TRIM14: variants seen among roughly 807,000 people sequenced by gnomAD.
TRIM14 encodes the protein tripartite motif-containing protein 14.
Under a neutral mutation model 44.5 loss-of-function variants are expected in TRIM14, and 28 were observed. That is an observed-to-expected ratio of 0.63 (90% CI 0.47 to 0.86). The LOEUF (loss-of-function observed/expected upper bound fraction) is 0.86. Ranked by LOEUF, TRIM14 falls within the 40% of genes least tolerant of loss-of-function variation. The pLI is 0.00. For missense variants in TRIM14, 607 were observed against 611.1 expected (o/e 0.99, Z 0.07); for synonymous variants, 299 against 269.2 (o/e 1.11, Z -1.08).
intron 1 of TRIM14, among the ~76,000 whole-genome samples, chr9:98,118,341 G>C (rs780717587): frequency 3.9e-5 from 6 of 152,172 alleles, no homozygotes; most frequent in Non-Finnish European, 5.9e-5. Flanking sequence ...TGGAGTCCTG[G>C]GTTCAAGGCC....
intron 2 of TRIM14, among the ~76,000 whole-genome samples, chr9:98,101,673 G>A (rs1237688572): frequency 2.0e-5 from 3 of 151,832 alleles, no homozygotes; most frequent in Non-Finnish European, 4.4e-5. Context: ...TGCCTGCCTT[G>A]GTCCCCCAAA....
chr9:98,055,920 A>G, the TRIM14 span, among the ~76,000 whole-genome samples: 1 of 151,850 alleles, frequency 6.6e-6, no homozygotes, highest in Non-Finnish European at 1.5e-5. Flanking sequence ...TTGTATTTTT[A>G]GTAGAGACGG....
chr9:98,113,736 T>G (rs1248969370), intron 1 of TRIM14, among the ~76,000 whole-genome samples: 1 of 152,250 alleles, frequency 6.6e-6, no homozygotes, highest in Non-Finnish European at 1.5e-5. Flanking sequence ...TATTTACTTT[T>G]GCATAAATGG....
At chr9:98,116,737 G>A (rs908443343) in intron 1 of TRIM14, among the ~76,000 whole-genome samples, 1 of 151,630 alleles carries the variant, frequency 6.6e-6, no homozygotes, top group Non-Finnish European at 1.5e-5. Flanking sequence ...CCAGCTACTT[G>A]GGAGGCCAAG....
rs763560074 is a variant in TRIM14, at chr9:98,076,915, T to C, written c.*29-7228A>G. Reference sequence around the variant, plus strand: ...AAAGGAGCTCCCTCTTTGATTTTTGTAGATGGCAGTTGAATTCCTGCATGA... The same window carrying C: ...AAAGGAGCTCCCTCTTTGATTTTTGCAGATGGCAGTTGAATTCCTGCATGA... On this transcript the variant is annotated intron_variant, in intron 6 of 6. Transcript: ENST00000375098. 5.0e-6 allele frequency: 8 copies of C among 1,608,348 alleles called. No homozygotes were observed. In the Admixed American group the frequency reaches 1.4e-4, roughly 27 times the overall value.
At chr9:98,103,576 C>T (rs186100028) in intron 2 of TRIM14, among the ~76,000 whole-genome samples, 11 of 152,158 alleles carry the variant, frequency 7.2e-5, no homozygotes, top group East Asian at 1.9e-4. Context: ...CGGTGGCTCA[C>T]GCCTGTAATT....
At chr9:98,098,240 CAA>C (rs956862209) in intron 3 of TRIM14, among the ~76,000 whole-genome samples, 49 of 152,296 alleles carry the variant, frequency 3.2e-4, no homozygotes, top group African/African-American at 8.9e-4. Context: ...AAATTAGACA[CAA>C]AGTGTTTGCC....
the TRIM14 span, among the ~76,000 whole-genome samples, chr9:98,037,041 G>A: frequency 6.6e-6 from 1 of 152,106 alleles, no homozygotes. Context: ...ACTCTAGAGG[G>A]AATGACAGAC....
At chr9:98,106,882 G>A (rs1329194750) in intron 2 of TRIM14, among the ~76,000 whole-genome samples, 5 of 147,058 alleles carry the variant, frequency 3.4e-5, no homozygotes, top group Non-Finnish European at 7.4e-5. Flanking sequence ...CTGGAGTGTA[G>A]TGGGTATGGT....
the TRIM14 span, chr9:98,056,957 C>T: frequency 6.4e-7 from 1 of 1,561,320 alleles, no homozygotes; most frequent in South Asian, 1.2e-5. Context: ...CGGCAGCTCC[C>T]GGGACCCGGG....
intron 2 of TRIM14, among the ~76,000 whole-genome samples, chr9:98,104,303 T>C (rs115909563): frequency 6.6e-4 from 101 of 152,332 alleles, no homozygotes; most frequent in African/African-American, 2.3e-3. Flanking sequence ...CAGAGGACCT[T>C]TGCAGAGAAA....
At chr9:98,090,534 T>A (rs1446047337) in intron 5 of TRIM14, among the ~76,000 whole-genome samples, 7 of 151,662 alleles carry the variant, frequency 4.6e-5, no homozygotes, top group African/African-American at 1.7e-4. Flanking sequence ...TTGAGCTGAT[T>A]GATCTGCACA....
chr9:98,057,922 GTTT>G, the TRIM14 span, among the ~76,000 whole-genome samples: 1 of 78,084 alleles, frequency 1.3e-5, no homozygotes, highest in Admixed American at 2.0e-4. Flanking sequence ...TTTTTTCCTG[GTTT>G]TTTTTTTTTT....
intron 5 of TRIM14, among the ~76,000 whole-genome samples, chr9:98,088,787 G>T (rs1825892867): frequency 6.6e-6 from 1 of 152,062 alleles, no homozygotes; most frequent in Non-Finnish European, 1.5e-5. Context: ...GGAATTGCTG[G>T]GTCAATGGGT....
At chr9:98,061,424 C>T in the TRIM14 span, among the ~76,000 whole-genome samples, 2 of 147,638 alleles carry the variant, frequency 1.4e-5, no homozygotes, top group Non-Finnish European at 3.0e-5. Context: ...TTGCAGTGAG[C>T]CGAGATCACA....
At chr9:98,060,893 G>C in the TRIM14 span, 12 of 1,614,078 alleles carry the variant, frequency 7.4e-6, no homozygotes, top group African/African-American at 4.0e-5. Context: ...GAAGACGTAC[G>C]GGGAGCACAA....
the TRIM14 span, among the ~76,000 whole-genome samples, chr9:98,044,444 G>A: frequency 1.4e-5 from 2 of 148,128 alleles, no homozygotes; most frequent in African/African-American, 2.5e-5. Flanking sequence ...CACCATCTCG[G>A]CTCACTGCAA....
At chr9:98,039,061 A>G in the TRIM14 span, among the ~76,000 whole-genome samples, 1 of 151,540 alleles carries the variant, frequency 6.6e-6, no homozygotes, top group Non-Finnish European at 1.5e-5. Context: ...AAAAAAAACC[A>G]AAAAAAACCT....
downstream of TRIM14, among the ~76,000 whole-genome samples, chr9:98,079,867 C>G (rs570208008): frequency 2.6e-5 from 4 of 152,320 alleles, no homozygotes; most frequent in East Asian, 7.7e-4. Context: ...ATCACACACC[C>G]TTAAGCCTGG....
Sources: allele counts gnomAD v4.1 joint callset (sites outside exome capture counted in the v4.1 genomes callset), GRCh38; gene constraint gnomAD v4.1.1; transcripts MANE v1.5; gene names NCBI Gene and HGNC (gene_info 2026-07-23, HGNC 2026-07-21).